Variants in ITSN1 observed in about 807,000 individuals in gnomAD.
ITSN1 encodes the protein intersectin-1.
In ITSN1, 58 loss-of-function variants were observed where a neutral mutation model predicts 239.8. That is an observed-to-expected ratio of 0.24 (90% CI 0.20 to 0.30). ITSN1 has a LOEUF of 0.30. Among genes scored for constraint, ITSN1 ranks in the 10% least tolerant of loss-of-function variants. ITSN1 has a pLI of 1.00. For synonymous variants in ITSN1, 780 were observed against 770.8 expected (o/e 1.01, Z -0.20); for missense variants, 1,558 against 2,103.3 (o/e 0.74, Z 5.07).
rs1243348010 is a variant in ITSN1 at position 33,823,550 on chromosome 21, A to C, written c.3080A>C (p.Asp1027Ala). 8.1e-6 allele frequency: 13 copies of C among 1,614,080 alleles called. No individual in the cohort carries two copies. The highest frequency in any genetic ancestry group is 1.1e-5 in the Non-Finnish European group (13 of 1,179,956). ...GGAGATTTAACCTTTCAGCAAGGGG[A>C]TGTGATTTTGGTTACCAAGAAAGAT... Reference protein sequence around the residue: ...EQGDLTFQQGDVILVTKKDGD... With the variant: ...EQGDLTFQQGAVILVTKKDGD... Residue 1027 changes from aspartate (D) to alanine (A), a missense_variant, in exon 25 of 40, where the codon GAT becomes GCT. Around this residue, in one of 2 missense-constraint regions of ITSN1, gnomAD observed 576 missense variants for 893.3 expected, o/e 0.64. Transcript: ENST00000381318.
rs1307669917 is a variant in ITSN1, at chr21:33,877,827, G to T, written c.4341+2306G>T. 2.5e-4 allele frequency among the ~76,000 whole-genome samples: 6 copies of T among 23,980 alleles called. 1 individual carries two copies. Among genetic ancestry groups the T allele is most frequent in the East Asian group, 1.3e-3 (1 of 776 alleles). The allele number at this position is 23,980 out of a possible 152,430, so 15.7% of individuals were successfully genotyped here. On this transcript the variant is annotated intron_variant, in intron 34 of 39. Transcript: ENST00000381318. ...AAATTTCTTACTTTGTTTCTATTTTGTGTGTGTGTGTGTGTGTGTGTGTGT... is the reference window on the plus strand; with the variant it reads ...AAATTTCTTACTTTGTTTCTATTTTTTGTGTGTGTGTGTGTGTGTGTGTGT...
chr21:33,675,380 G>A (rs144674874), intron 1 of ITSN1, among the ~76,000 whole-genome samples: 2 of 151,878 alleles, frequency 1.3e-5, no homozygotes, highest in East Asian at 1.9e-4. Context: ...TAGCCAACAC[G>A]GTGAAACCCT....
intron 1 of ITSN1, among the ~76,000 whole-genome samples, chr21:33,680,048 G>A (rs961142155): frequency 2.0e-5 from 3 of 152,014 alleles, no homozygotes; most frequent in African/African-American, 2.4e-5. Flanking sequence ...TTTCTAGTTC[G>A]CTTGGCCTGC....
Position 33,829,643 on chromosome 21 carries a change from C to T in ITSN1, c.3249C>T (p.Ala1083=), listed in dbSNP as rs1108000. The T allele has an allele frequency of 0.15, 245,683 of 1,611,908 alleles. 20,087 individuals are homozygous for T. Among genetic ancestry groups the T allele is most frequent in the Non-Finnish European group, 0.17 (202,838 of 1,179,724 alleles). ...GKKPEIAQVI[A]SYTATGPEQL... ...TTTCAGAAATTGCCCAGGTTATTGC[C>T]TCATACACCGCCACCGGCCCCGAGC... is the stretch of plus-strand genomic sequence containing the variant. Residue 1083 remains alanine (A), a synonymous_variant, in exon 27 of 40, where the codon GCC becomes GCT. Coordinates refer to ENST00000381318, the MANE Select transcript of ITSN1 (RefSeq NM_003024.3).
chr21:33,676,456 G>T (rs915445408), intron 1 of ITSN1, among the ~76,000 whole-genome samples: 9 of 152,038 alleles, frequency 5.9e-5, no homozygotes, highest in Admixed American at 2.0e-4. Context: ...TTCAACTCCT[G>T]GGCTCAAGCA....
chr21:33,718,886 G>A, intron 2 of ITSN1, 30 bp downstream of exon 2: 2 of 1,590,396 alleles, frequency 1.3e-6, no homozygotes, highest in Non-Finnish European at 1.7e-6. Flanking sequence ...TCTTTTTAAT[G>A]TACTTTGGGA....
At chr21:33,687,398 TAAAAAAAAAAAAAAAAA>T (rs58230508) in intron 1 of ITSN1, among the ~76,000 whole-genome samples, 1 of 81,344 alleles carries the variant, frequency 1.2e-5, no homozygotes, top group Non-Finnish European at 2.2e-5. Context: ...AACTCCATCT[TAAAAAAAAAAAAAAAAA>T]AAAAAAAAAA....
At chr21:33,827,832 T>C (rs554749830) in intron 26 of ITSN1, among the ~76,000 whole-genome samples, 7 of 152,354 alleles carry the variant, frequency 4.6e-5, no homozygotes, top group Admixed American at 1.3e-4. Context: ...TAGAAAATTA[T>C]AGGTTGAAAC....
At chr21:33,838,282 C>T in intron 29 of ITSN1, 1 of 985,320 alleles carries the variant, frequency 1.0e-6, no homozygotes, top group Non-Finnish European at 1.2e-6. Context: ...TCTCCCGGCG[C>T]TGTCGGGAGG....
At chr21:33,870,497 G>T (rs745405109) in intron 33 of ITSN1, among the ~76,000 whole-genome samples, 29 of 152,206 alleles carry the variant, frequency 1.9e-4, no homozygotes, top group Non-Finnish European at 1.8e-4. Context: ...GGTCAGCTAT[G>T]AGATACATAT....
chr21:33,684,739 A>C (rs2091153213), intron 1 of ITSN1, among the ~76,000 whole-genome samples: 9 of 152,122 alleles, frequency 5.9e-5, no homozygotes, highest in Admixed American at 5.9e-4. Context: ...AAGAGAGAAA[A>C]CATTAATCTA....
At chr21:33,807,043 T>C (rs376173375) in intron 20 of ITSN1, among the ~76,000 whole-genome samples, 37 of 152,326 alleles carry the variant, frequency 2.4e-4, no homozygotes, top group African/African-American at 8.2e-4. Flanking sequence ...CCCCTGAACC[T>C]TAAAATGTAA....
chr21:33,886,239 C>A (rs563158844), intron 38 of ITSN1, 48 bp from the exon 39 acceptor site: 57 of 1,299,148 alleles, frequency 4.4e-5, no homozygotes, highest in Non-Finnish European at 5.7e-5. Context: ...GAGTGGAGAT[C>A]AAAATGAGGT....
chr21:33,745,323 AAAG>A (rs2067115685), intron 5 of ITSN1, among the ~76,000 whole-genome samples: 1 of 152,216 alleles, frequency 6.6e-6, no homozygotes, highest in Non-Finnish European at 1.5e-5. Context: ...TTTCAACAGA[AAAG>A]AAAATGAAAA....
At chr21:33,779,925 G>A (rs1405868929) in intron 14 of ITSN1, among the ~76,000 whole-genome samples, 4 of 151,816 alleles carry the variant, frequency 2.6e-5, no homozygotes, top group Admixed American at 6.6e-5. Context: ...TCTGCTTCCC[G>A]AGTTCGAGTG....
chr21:33,784,310 AACACACACACACACAC>A (rs58496273), intron 16 of ITSN1, among the ~76,000 whole-genome samples: 36 of 134,206 alleles, frequency 2.7e-4, no homozygotes, highest in Middle Eastern at 3.7e-3. Flanking sequence ...GTCTCTACAA[AACACACACACACACAC>A]ACACACACAC....
intron 5 of ITSN1, among the ~76,000 whole-genome samples, chr21:33,748,733 T>G (rs977142294): frequency 6.6e-6 from 1 of 150,860 alleles, no homozygotes; most frequent in African/African-American, 2.4e-5. Flanking sequence ...GGTGTAGGGA[T>G]GCACACCTGT....
At chr21:33,820,724 C>T (rs1310892421) in intron 24 of ITSN1, among the ~76,000 whole-genome samples, 2 of 152,276 alleles carry the variant, frequency 1.3e-5, no homozygotes, top group African/African-American at 4.8e-5. Flanking sequence ...AAATGATTAA[C>T]AGAGTTCCCT....
chr21:33,712,962 C>G (rs1174710931), intron 1 of ITSN1, among the ~76,000 whole-genome samples: 1 of 152,124 alleles, frequency 6.6e-6, no homozygotes, highest in East Asian at 1.9e-4. Context: ...ACTGTAACCT[C>G]TGCCTCCTGG....
Sources: allele counts gnomAD v4.1 joint callset (sites outside exome capture counted in the v4.1 genomes callset), GRCh38; gene constraint gnomAD v4.1.1; regional missense constraint gnomAD v4.1.1; transcripts MANE v1.5; gene names NCBI Gene and HGNC (gene_info 2026-07-23, HGNC 2026-07-21).